The following LY96 variants were observed in gnomAD, a reference collection of about 807,000 sequenced individuals.
LY96 encodes the protein myeloid differentiation protein-2.
LY96 carries 18 observed loss-of-function variants against 18.9 expected under a neutral mutation model. The observed-to-expected ratio is 0.95, with a 90% CI of 0.66 to 1.41. The LOEUF is 1.41. Among genes scored for constraint, LY96 ranks in the 40% most tolerant of loss-of-function variants. The pLI, the probability that LY96 is intolerant of heterozygous loss-of-function variation, is 0.00. For synonymous variants in LY96, 66 were observed against 62.6 expected, an observed-to-expected ratio of 1.06 and a Z score of -0.26; for missense variants, 175 against 182.4, an observed-to-expected ratio of 0.96 and a Z score of 0.23.
chr8:74,087,601 G>A, the LY96 span, among the ~76,000 whole-genome samples: 15 of 152,244 alleles, frequency 9.9e-5, no homozygotes, highest in East Asian at 9.7e-4. Flanking sequence ...CTGTTTTGCC[G>A]TAAAGGGCCT....
chr8:73,999,173 T>C (rs1177243339), intron 1 of LY96, among the ~76,000 whole-genome samples: 1 of 152,152 alleles, frequency 6.6e-6, no homozygotes, highest in Non-Finnish European at 1.5e-5. Flanking sequence ...TTTCACCATG[T>C]TGGCCAGGCT....
intron 3 of LY96, among the ~76,000 whole-genome samples, chr8:74,019,942 T>A (rs1044932985): frequency 1.3e-5 from 2 of 152,214 alleles, no homozygotes; most frequent in African/African-American, 2.4e-5. Context: ...GAGCTATTTA[T>A]GACAAACCCA....
chr8:74,004,415 TG>T (rs957818933), intron 1 of LY96, among the ~76,000 whole-genome samples: 2 of 152,058 alleles, frequency 1.3e-5, no homozygotes, highest in African/African-American at 4.8e-5. Flanking sequence ...AGGAGCTGGT[TG>T]GGGGGGTCTC....
intron 1 of LY96, among the ~76,000 whole-genome samples, chr8:73,992,841 T>TGTGC (rs1045918224): frequency 4.3e-5 from 3 of 69,774 alleles, no homozygotes; most frequent in African/African-American, 1.6e-4. Flanking sequence ...TGCCACTGTG[T>TGTGC]GTGTGTGTGT....
intron 4 of LY96, among the ~76,000 whole-genome samples, chr8:74,028,110 C>A (rs1045785163): frequency 1.3e-5 from 2 of 152,220 alleles, no homozygotes; most frequent in African/African-American, 4.8e-5. Flanking sequence ...TACATCCCAT[C>A]CTTTGCATAA....
At chr8:74,001,999 CTTCCTTTCTTCCTTCCTTCCTTCCTTCCT>C (rs1816286388) in intron 1 of LY96, among the ~76,000 whole-genome samples, 1 of 38,526 alleles carries the variant, frequency 2.6e-5, no homozygotes. Context: ...TCCCTCCTTT[CTTCCTTTCTTCCTTCCTTCCTTCCTTCCT>C]TCCTTCCTTC....
At chr8:74,081,139 T>G in the LY96 span, among the ~76,000 whole-genome samples, 1 of 146,024 alleles carries the variant, frequency 6.8e-6, no homozygotes, top group Non-Finnish European at 1.5e-5. Context: ...CCTTCCTTCC[T>G]TCCTTCTTTC....
At chr8:74,038,554 A>C in the LY96 span, among the ~76,000 whole-genome samples, 1 of 152,090 alleles carries the variant, frequency 6.6e-6, no homozygotes, top group African/African-American at 2.4e-5. Context: ...TTAATTTTTA[A>C]TTTAATTTTA....
chr8:74,015,669 A>G (rs1816626252), intron 3 of LY96, among the ~76,000 whole-genome samples: 1 of 152,198 alleles, frequency 6.6e-6, no homozygotes, highest in South Asian at 2.1e-4. Context: ...GGGGGACACA[A>G]TTCAATGTAC....
chr8:74,041,590 C>T, the LY96 span, among the ~76,000 whole-genome samples: 2,003 of 152,220 alleles, frequency 0.013, 29 homozygotes, highest in East Asian at 0.035. Context: ...GGAATGCATT[C>T]CTTGGGGGAA....
At chr8:74,043,651 T>C in the LY96 span, among the ~76,000 whole-genome samples, 1 of 152,222 alleles carries the variant, frequency 6.6e-6, no homozygotes, top group Non-Finnish European at 1.5e-5. Flanking sequence ...GTGGATTACA[T>C]ACACTGGTTG....
chr8:74,063,318 T>C, the LY96 span, among the ~76,000 whole-genome samples: 2 of 152,244 alleles, frequency 1.3e-5, no homozygotes, highest in African/African-American at 4.8e-5. Context: ...TTATTCTACT[T>C]GTTCAAATTG....
At chr8:74,046,792 C>G in the LY96 span, among the ~76,000 whole-genome samples, 1 of 152,136 alleles carries the variant, frequency 6.6e-6, no homozygotes, top group Non-Finnish European at 1.5e-5. Flanking sequence ...TCTCTTCCAG[C>G]AATCCCCCTT....
At chr8:73,996,365 C>CCT (rs1816131756) in intron 1 of LY96, among the ~76,000 whole-genome samples, 89 of 119,884 alleles carry the variant, frequency 7.4e-4, no homozygotes, top group East Asian at 1.9e-3. Flanking sequence ...TCCTTCCTTC[C>CCT]TTCATTCCTT....
intron 3 of LY96, among the ~76,000 whole-genome samples, chr8:74,026,358 T>A (rs1220400631): frequency 6.6e-6 from 1 of 152,222 alleles, no homozygotes; most frequent in African/African-American, 2.4e-5. Context: ...CTCAGTGGTG[T>A]AATTGGGAGG....
chr8:74,003,150 T>G (rs1026476563), intron 1 of LY96, among the ~76,000 whole-genome samples: 19 of 152,184 alleles, frequency 1.2e-4, no homozygotes, highest in African/African-American at 4.6e-4. Context: ...TTTTTCAGTC[T>G]TCACAGATTG....
chr8:74,002,064 TTCCTTC>T (rs1816298047), intron 1 of LY96, among the ~76,000 whole-genome samples: 1 of 37,924 alleles, frequency 2.6e-5, no homozygotes, highest in African/African-American at 1.8e-4. Context: ...CCTTCCTTCC[TTCCTTC>T]CTTCCTTTCT....
chr8:74,074,412 T>A, the LY96 span, among the ~76,000 whole-genome samples: 1 of 152,136 alleles, frequency 6.6e-6, no homozygotes, highest in Admixed American at 6.5e-5. Flanking sequence ...CTTTCTTTTT[T>A]AAAATTTTAT....
chr8:74,038,995 A>G, the LY96 span, among the ~76,000 whole-genome samples: 1 of 152,218 alleles, frequency 6.6e-6, no homozygotes, highest in East Asian at 1.9e-4. Flanking sequence ...ATTCACACCA[A>G]CAGTGTATGA....
Sources: allele counts gnomAD v4.1 joint callset (sites outside exome capture counted in the v4.1 genomes callset), GRCh38; gene constraint gnomAD v4.1.1; transcripts MANE v1.5; gene names NCBI Gene and HGNC (gene_info 2026-07-23, HGNC 2026-07-21).